The following TENM3 variants were observed in gnomAD, a reference collection of about 807,000 sequenced individuals.
TENM3 encodes teneurin-3.
In TENM3, 63 loss-of-function variants were observed where a neutral mutation model predicts 255.1. The observed-to-expected ratio is 0.25, with a 90% CI of 0.20 to 0.30. The LOEUF (loss-of-function observed/expected upper bound fraction) is 0.30, where lower values mean the gene tolerates loss of function less well. TENM3 is among the 10% of genes least tolerant of loss of function. The probability of loss-of-function intolerance (pLI) is 1.00; values close to 1 mark genes in which losing one functional copy is unlikely to be tolerated. For missense variants in TENM3, 2,929 were observed against 3,461.1 expected, an observed-to-expected ratio of 0.85 and a Z score of 3.86; for synonymous variants, 1,306 against 1,322.3, an observed-to-expected ratio of 0.99 and a Z score of 0.27.
At chr4:182,151,756 G>A (rs988224328) in intron 1 of TENM3, among the ~76,000 whole-genome samples, 4 of 151,530 alleles carry the variant, frequency 2.6e-5, no homozygotes, top group South Asian at 2.1e-4. Flanking sequence ...AAAATGAAAT[G>A]AATATTTAAA....
At chr4:181,684,918 CTTTTTTTT>C in the TENM3 span, among the ~76,000 whole-genome samples, 2 of 45,046 alleles carry the variant, frequency 4.4e-5, no homozygotes, top group African/African-American at 8.5e-5. Context: ...CCGTGCCTGG[CTTTTTTTT>C]TTTTTTTTTT....
chr4:182,364,728 G>A (rs550729316), intron 3 of TENM3, among the ~76,000 whole-genome samples: 2 of 152,246 alleles, frequency 1.3e-5, no homozygotes, highest in Admixed American at 6.5e-5. Context: ...CCCAACTTCA[G>A]TTTTCACCTA....
chr4:181,613,752 G>A, the TENM3 span, among the ~76,000 whole-genome samples: 2 of 152,096 alleles, frequency 1.3e-5, no homozygotes, highest in African/African-American at 2.4e-5. Flanking sequence ...ATTGTGATTG[G>A]GGGGCCCCTT....
At chr4:181,713,269 T>C in the TENM3 span, among the ~76,000 whole-genome samples, 1 of 152,220 alleles carries the variant, frequency 6.6e-6, no homozygotes, top group African/African-American at 2.4e-5. Context: ...TAAGAGCAGG[T>C]CTGCATCTGC....
At chr4:182,751,643 A>C (rs1368436159) in intron 19 of TENM3, among the ~76,000 whole-genome samples, 157 bp from the exon 20 acceptor site, 1 of 152,206 alleles carries the variant, frequency 6.6e-6, no homozygotes, top group Non-Finnish European at 1.5e-5. Context: ...CATTCTTTTG[A>C]GTCATTATTA....
rs113844737 is a variant in TENM3 at position 182,647,728 on chromosome 4, C to T, written c.989-6043C>T. ...TTCAAGACCTTAATTTCAGTTCTTTCGGGTATGTAGCCTGAAGTGGGATTG... is the reference window on the plus strand; with the variant it reads ...TTCAAGACCTTAATTTCAGTTCTTTTGGGTATGTAGCCTGAAGTGGGATTG... On this transcript the variant is annotated intron_variant, in intron 5 of 27. Transcript: ENST00000511685. 6.0e-3 allele frequency among the ~76,000 whole-genome samples: 912 copies of T among 152,184 alleles called. 9 individuals carry two copies. Among genetic ancestry groups the T allele is most frequent in the African/African-American group, 0.021 (877 of 41,512 alleles).
At chr4:181,482,681 C>T in the TENM3 span, among the ~76,000 whole-genome samples, 1 of 152,172 alleles carries the variant, frequency 6.6e-6, no homozygotes, top group African/African-American at 2.4e-5. Flanking sequence ...GATATCCTCA[C>T]CTCTGCTTTT....
chr4:181,682,426 A>C, the TENM3 span, among the ~76,000 whole-genome samples: 3 of 152,136 alleles, frequency 2.0e-5, no homozygotes, highest in African/African-American at 7.2e-5. Context: ...CAGTTGTTTC[A>C]CCAGATTGAC....
chr4:181,594,763 C>T, the TENM3 span, among the ~76,000 whole-genome samples: 1 of 152,144 alleles, frequency 6.6e-6, no homozygotes, highest in African/African-American at 2.4e-5. Context: ...ATTTAGATAA[C>T]CATGAGGCAT....
chr4:181,997,269 G>T, the TENM3 span, among the ~76,000 whole-genome samples: 3 of 152,226 alleles, frequency 2.0e-5, no homozygotes, highest in Admixed American at 6.5e-5. Flanking sequence ...TATCTTGATG[G>T]GTTATTTTTG....
chr4:182,459,277 A>G (rs1580623644), intron 3 of TENM3, among the ~76,000 whole-genome samples: 1 of 152,180 alleles, frequency 6.6e-6, no homozygotes, highest in African/African-American at 2.4e-5. Context: ...ATATTGAGAA[A>G]TGACTTCTGA....
At chr4:181,567,409 T>C in the TENM3 span, among the ~76,000 whole-genome samples, 21,199 of 152,212 alleles carry the variant, frequency 0.14, 1,580 homozygotes, top group African/African-American at 0.2. Flanking sequence ...ATGTGAAGCC[T>C]AATTAGCACT....
At chr4:181,803,466 G>A in the TENM3 span, among the ~76,000 whole-genome samples, 4 of 152,154 alleles carry the variant, frequency 2.6e-5, no homozygotes, top group Admixed American at 6.5e-5. Flanking sequence ...GATATTGAAC[G>A]CATTTTACCT....
At chr4:181,901,443 A>C in the TENM3 span, among the ~76,000 whole-genome samples, 1 of 152,196 alleles carries the variant, frequency 6.6e-6, no homozygotes, top group African/African-American at 2.4e-5. Context: ...TGATCTCCCA[A>C]ACGAAAGGAA....
chr4:181,647,584 A>AAGATAAAACAAC, the TENM3 span, among the ~76,000 whole-genome samples: 5 of 152,210 alleles, frequency 3.3e-5, no homozygotes, highest in Non-Finnish European at 7.3e-5. Flanking sequence ...AAACAGCCGC[A>AAGATAAAACAAC]AGATAAAACA....
intron 3 of TENM3, among the ~76,000 whole-genome samples, chr4:182,373,529 G>A (rs1225315621): frequency 6.6e-6 from 1 of 152,126 alleles, no homozygotes; most frequent in African/African-American, 2.4e-5. Context: ...AGGAGGTACT[G>A]GGCTCTTTTT....
intron 1 of TENM3, among the ~76,000 whole-genome samples, chr4:182,164,915 C>T (rs546846431): frequency 1.3e-5 from 2 of 152,212 alleles, no homozygotes; most frequent in South Asian, 2.1e-4. Context: ...TTCATTCTTT[C>T]CCATTTTGGA....
At chr4:182,649,209 C>T (rs1460916032) in intron 5 of TENM3, among the ~76,000 whole-genome samples, 1 of 145,566 alleles carries the variant, frequency 6.9e-6, no homozygotes, top group African/African-American at 2.4e-5. Context: ...CAAAATACTC[C>T]CATTTATAGT....
At chr4:181,687,928 T>G in the TENM3 span, among the ~76,000 whole-genome samples, 3 of 152,062 alleles carry the variant, frequency 2.0e-5, 1 homozygote, top group South Asian at 6.2e-4. Flanking sequence ...ATGAAAACAT[T>G]AAGCATATTC....
Sources: gnomAD v4.1 joint callset for allele counts (sites outside exome capture counted in the v4.1 genomes callset) on GRCh38, gnomAD v4.1.1 for gene constraint, MANE v1.5 for transcripts, NCBI Gene and HGNC (gene_info 2026-07-23, HGNC 2026-07-21) for gene names.